The following ENPP5 variants were observed in gnomAD, a reference collection of about 807,000 sequenced individuals.
ENPP5 encodes the protein ectonucleotide pyrophosphatase/phosphodiesterase family member 5, also known as E-NPP 5.
In ENPP5, 27 loss-of-function variants were observed where a neutral mutation model predicts 33.7. The ratio of observed to expected loss-of-function variants is 0.80; its 90% confidence interval spans 0.59 to 1.11. ENPP5 has a LOEUF of 1.11. ENPP5 is among the 50% of genes least tolerant of loss of function. ENPP5 has a pLI of 0.00. For missense variants in ENPP5, 552 were observed against 579.2 expected (o/e 0.95, Z 0.48); for synonymous variants, 199 against 200.5 (o/e 0.99, Z 0.06).
intron 4 of ENPP5, among the ~76,000 whole-genome samples, chr6:46,164,076 A>C (rs1444049031): frequency 6.6e-6 from 1 of 152,226 alleles, no homozygotes; most frequent in African/African-American, 2.4e-5. Flanking sequence ...CAATGGCAAC[A>C]AAAGCCAAAA....
At chr6:46,163,893 A>T (rs923452498) in intron 4 of ENPP5, among the ~76,000 whole-genome samples, 11 of 152,306 alleles carry the variant, frequency 7.2e-5, no homozygotes, top group Non-Finnish European at 1.5e-4. Flanking sequence ...GGCTAGCCAT[A>T]TGTAGAAAGC....
chr6:46,163,067 G>A (rs1243962672), intron 4 of ENPP5, among the ~76,000 whole-genome samples: 2 of 152,184 alleles, frequency 1.3e-5, no homozygotes, highest in African/African-American at 4.8e-5. Context: ...TTGTTTTGTA[G>A]TGGTAGCCCC....
At chr6:46,163,119 TGCC>T (rs1250516848) in intron 4 of ENPP5, among the ~76,000 whole-genome samples, 1 of 152,234 alleles carries the variant, frequency 6.6e-6, no homozygotes, top group African/African-American at 2.4e-5. Flanking sequence ...TTATAAAGTA[TGCC>T]TAAGGGCAAT....
Position 46,161,669 on chromosome 6 carries a change from GA to G in ENPP5, c.1090del (p.Ser364GlnfsTer5). On this transcript the variant is annotated frameshift_variant, in exon 5 of 5. Transcript: ENST00000371383. LOFTEE classifies it high-confidence loss of function. ...AHGPAFRKNF[S>X]KEAMNSTDLY... Reference sequence around the variant, plus strand: ...ATCTGTGGAGTTCATGGCTTCTTTTGAGAAATTCTTTCTGAAGGCAGGACCA... The same window carrying G: ...ATCTGTGGAGTTCATGGCTTCTTTTGGAAATTCTTTCTGAAGGCAGGACCA... 1 of 1,613,646 alleles carries G rather than the reference GA, an allele frequency of 6.2e-7. No homozygotes were observed. The highest frequency in any genetic ancestry group is 8.5e-7 in the Non-Finnish European group (1 of 1,179,618).
chr6:46,167,478 G>A lies in ENPP5; in HGVS notation c.785C>T (p.Thr262Ile), dbSNP rs768150269. Residue 262 changes from threonine (T) to isoleucine (I), a missense_variant, in exon 3 of 5, where the codon ACC becomes ATC. Coordinates refer to ENST00000371383, the MANE Select transcript of ENPP5 (RefSeq NM_001290072.2). ...LDQYLDKDHY[T>I]LIDQSPVAAI... ...TGCTACTGGAGATTGATCAATCAGG[G>A]TATAGTGGTCTTTATCCAGGTACTG... is the stretch of plus-strand genomic sequence containing the variant. The A allele has an allele frequency of 6.2e-7, 1 of 1,614,072 alleles. No homozygotes were observed. Among genetic ancestry groups the A allele is most frequent in the South Asian group, 1.1e-5 (1 of 91,066 alleles).
In ENPP5 at chr6:46,168,088, C is replaced by A; in HGVS notation, c.175G>T (p.Val59Phe). The A allele has an allele frequency of 6.2e-7, 1 of 1,613,908 alleles. No individual in the cohort carries two copies. The highest frequency in any genetic ancestry group is 2.2e-5 in the East Asian group (1 of 44,872). Reference sequence around the variant, plus strand: ...ACATTAGTAACTTGCTTCACGTGAACACCATATTTCATAATATAATGAAAA... The same window carrying A: ...ACATTAGTAACTTGCTTCACGTGAAAACCATATTTCATAATATAATGAAAA... Reference protein sequence around the residue: ...PHFHYIMKYGVHVKQVTNVFI... With the variant: ...PHFHYIMKYGFHVKQVTNVFI... The change falls in exon 3 of 5, where the codon GTT (valine) becomes TTT (phenylalanine). Residue 59 changes from valine (V) to phenylalanine (F), a missense_variant. Coordinates refer to ENST00000371383, the MANE Select transcript of ENPP5 (RefSeq NM_001290072.2).
intron 4 of ENPP5, among the ~76,000 whole-genome samples, chr6:46,161,971 T>C (rs1764409436): frequency 6.6e-6 from 1 of 152,178 alleles, no homozygotes; most frequent in Admixed American, 6.5e-5. Flanking sequence ...AGGCCAACAG[T>C]GGCTTAAGCA....
intron 3 of ENPP5, among the ~76,000 whole-genome samples, chr6:46,165,895 A>G (rs1764528725): frequency 6.6e-6 from 1 of 152,016 alleles, no homozygotes; most frequent in South Asian, 2.1e-4. Context: ...TTGTGAGTGC[A>G]GACACGAAGA....
In ENPP5 at chr6:46,160,312, T is replaced by G. The variant is rs1016539936; in HGVS notation, c.*1014A>C. 2 of 152,224 alleles carry G rather than the reference T, an allele frequency of 1.3e-5. No individual in the cohort carries two copies. Among genetic ancestry groups the G allele is most frequent in the Non-Finnish European group, 2.9e-5 (2 of 68,034 alleles). 9.4% of individuals were successfully genotyped at this position (152,224 alleles called of 1,614,324 possible). A position where few individuals can be genotyped will look rare whatever the true frequency, so the allele number is the denominator to read the frequency against. On this transcript the variant is annotated 3_prime_UTR_variant, in exon 5 of 5. Coordinates refer to ENST00000371383, the MANE Select transcript of ENPP5 (RefSeq NM_001290072.2). ...ATATTTTACCTAATATGGTTTGTGC[T>G]CTTTCGCAACTTTGAATCTTCAAAT...
rs776510857 is a variant in ENPP5, at chr6:46,161,364, T to C, written c.1396A>G (p.Met466Val). The C allele has an allele frequency of 5.6e-6, 9 of 1,613,556 alleles. No individual in the cohort carries two copies. Among genetic ancestry groups the C allele is most frequent in the Non-Finnish European group, 7.6e-6 (9 of 1,179,746 alleles). The change falls in exon 5 of 5, where the codon ATG becomes GTG. Residue 466 changes from methionine (M) to valine (V), a missense_variant. Physicochemically the swap from Met to Val is conservative, Grantham distance 21. Transcript: ENST00000371383. Reference protein sequence around the residue: ...IHSQIPALQDMHAEIAQPLLQ... With the variant: ...IHSQIPALQDVHAEIAQPLLQ... ...AATGGTTGAGCTATTTCAGCATGCA[T>C]ATCTTGTAAGGCAGGTATTTGACTG...
Position 46,160,979 on chromosome 6 carries a change from C to A in ENPP5, c.*347G>T. On this transcript the variant is annotated 3_prime_UTR_variant, in exon 5 of 5. Coordinates refer to ENST00000371383, the MANE Select transcript of ENPP5 (RefSeq NM_001290072.2). ...TAAAGTGCATTTCAAATTAAAGTAC[C>A]CATCAGGAGAGAAATTTAAAGTGCA... 1 of 197,342 alleles carries A rather than the reference C, an allele frequency of 5.1e-6. No homozygotes were observed. Among genetic ancestry groups the A allele is most frequent in the South Asian group, 1.2e-4 (1 of 8,406 alleles). 12.2% of individuals were successfully genotyped at this position (197,342 alleles called of 1,614,324 possible).
In ENPP5 at chr6:46,160,583, C is replaced by T. The variant is rs1764358923; in HGVS notation, c.*743G>A. On this transcript the variant is annotated 3_prime_UTR_variant, in exon 5 of 5. Transcript: ENST00000371383. Reference sequence around the variant, plus strand: ...TATTATGAAAATCACAGTAATATGACTCATCAGGAAATCACAATAATTTTA... The same window carrying T: ...TATTATGAAAATCACAGTAATATGATTCATCAGGAAATCACAATAATTTTA... 1 of 152,008 alleles carries T rather than the reference C, an allele frequency of 6.6e-6. No homozygotes were observed. The highest frequency in any genetic ancestry group is 2.4e-5 in the African/African-American group (1 of 41,400). The allele number at this position is 152,008 out of a possible 1,614,324, so 9.4% of individuals were successfully genotyped here. A position where few individuals can be genotyped will look rare whatever the true frequency, so the allele number is the denominator to read the frequency against.
At position 46,160,692 on chromosome 6, in the gene ENPP5, G is replaced by T. The variant is rs1028364341; in HGVS notation, c.*634C>A. 1 of 152,078 alleles carries T rather than the reference G, an allele frequency of 6.6e-6. No individual in the cohort carries two copies. The highest frequency in any genetic ancestry group is 1.5e-5 in the Non-Finnish European group (1 of 68,006). 9.4% of individuals were successfully genotyped at this position (152,078 alleles called of 1,614,324 possible). A position where few individuals can be genotyped will look rare whatever the true frequency, so the allele number is the denominator to read the frequency against. ...AAATAAATGAAAACCACGTTCTCTG[G>T]AAAGAAATAAGACAAGAAATGCCCA... is the stretch of plus-strand genomic sequence containing the variant. On this transcript the variant is annotated 3_prime_UTR_variant, in exon 5 of 5. Coordinates refer to ENST00000371383, the MANE Select transcript of ENPP5 (RefSeq NM_001290072.2).
Position 46,167,816 on chromosome 6 carries a change from G to A in ENPP5, c.447C>T (p.Arg149=). The change falls in exon 3 of 5, where the codon CGC becomes CGT. Residue 149 remains arginine (R), a synonymous_variant. Transcript: ENST00000371383. ...TGTAAGGCATGTAATGAGTAGGAAAGCGCTTATGTATTTTTACATCTGTTC... is the reference window on the plus strand; with the variant it reads ...TGTAAGGCATGTAATGAGTAGGAAAACGCTTATGTATTTTTACATCTGTTC... ...WPGTDVKIHK[R]FPTHYMPYNE... The A allele has an allele frequency of 6.2e-7, 1 of 1,614,166 alleles. No homozygotes were observed. The highest frequency in any genetic ancestry group is 1.1e-5 in the South Asian group (1 of 91,082).
In ENPP5 at chr6:46,168,042, G is replaced by T. The variant is rs763011708; in HGVS notation, c.221C>A (p.Pro74His). 1 of 1,613,904 alleles carries T rather than the reference G, an allele frequency of 6.2e-7. No individual in the cohort carries two copies. Among genetic ancestry groups the T allele is most frequent in the African/African-American group, 1.3e-5 (1 of 74,910 alleles). Reference protein sequence around the residue: ...VTNVFITKTYPNHYTLVTGLF... With the variant: ...VTNVFITKTYHNHYTLVTGLF... ...GCCAGTTACCAAAGTATAATGGTTA[G>T]GGTAGGTTTTTGTAATAAAAACATT... The change falls in exon 3 of 5, where the codon CCT (proline) becomes CAT (histidine). Residue 74 changes from proline (P) to histidine (H), a missense_variant. Physicochemically the swap from Pro to His is moderately conservative, Grantham distance 77. Coordinates refer to ENST00000371383, the MANE Select transcript of ENPP5 (RefSeq NM_001290072.2).
At position 46,167,866 on chromosome 6, in the gene ENPP5, T is replaced by G. The variant is rs139280469; in HGVS notation, c.397A>C (p.Thr133Pro). The change falls in exon 3 of 5, where the codon ACT becomes CCT. Residue 133 changes from threonine (T) to proline (P), a missense_variant. Thr to Pro is a conservative substitution (Grantham distance 38). Transcript: ENST00000371383. ...CCGGGCCACATGGCTGCACCACTAG[T>G]ATGTCCTGCCCTCTGGTTTGTGATC... is the stretch of plus-strand genomic sequence containing the variant. ...IWITNQRAGH[T>P]SGAAMWPGTD... The G allele has an allele frequency of 1.2e-4, 198 of 1,614,214 alleles. 1 individual carries two copies. In the African/African-American group the frequency reaches 2.5e-3, roughly 20 times the overall value.
rs1051268637 is a variant in ENPP5 at position 46,159,887 on chromosome 6, T to G, written c.*1439A>C. On this transcript the variant is annotated 3_prime_UTR_variant, in exon 5 of 5. Coordinates refer to ENST00000371383, the MANE Select transcript of ENPP5 (RefSeq NM_001290072.2). Reference sequence around the variant, plus strand: ...AAGGAAAGTCTTTCTTTTCAGGGCTTCCTCTTTCCTCTAAGAAGCCACATG... The same window carrying G: ...AAGGAAAGTCTTTCTTTTCAGGGCTGCCTCTTTCCTCTAAGAAGCCACATG... 2.6e-5 allele frequency: 4 copies of G among 152,238 alleles called. No individual in the cohort carries two copies. The highest frequency in any genetic ancestry group is 9.7e-5 in the African/African-American group (4 of 41,450). The allele number at this position is 152,238 out of a possible 1,614,324, so 9.4% of individuals were successfully genotyped here. A position where few individuals can be genotyped will look rare whatever the true frequency, so the allele number is the denominator to read the frequency against.
At chr6:46,165,175 C>T in intron 4 of ENPP5, 1 of 428,064 alleles carries the variant, frequency 2.3e-6, no homozygotes, top group Non-Finnish European at 4.1e-6. Context: ...CCAATTCTAC[C>T]TAAAGGGACA....
Position 46,161,011 on chromosome 6 carries a change from A to G in ENPP5, c.*315T>C. 3.7e-6 allele frequency: 1 copy of G among 267,574 alleles called. No individual in the cohort carries two copies. The highest frequency in any genetic ancestry group is 7.6e-5 in the East Asian group (1 of 13,218). The allele number at this position is 267,574 out of a possible 1,614,324, so 16.6% of individuals were successfully genotyped here. A position where few individuals can be genotyped will look rare whatever the true frequency, so the allele number is the denominator to read the frequency against. On this transcript the variant is annotated 3_prime_UTR_variant, in exon 5 of 5. Coordinates refer to ENST00000371383, the MANE Select transcript of ENPP5 (RefSeq NM_001290072.2). ...GAGAGAAATTTAAAGTGCAATACAT[A>G]AGGTACTTTACATAGTGCAAAGTTG... is the stretch of plus-strand genomic sequence containing the variant.
Sources: gnomAD v4.1 joint callset for allele counts (sites outside exome capture counted in the v4.1 genomes callset) on GRCh38, gnomAD v4.1.1 for gene constraint, MANE v1.5 for transcripts, NCBI Gene and HGNC (gene_info 2026-07-23, HGNC 2026-07-21) for gene names.